PRKCZ: variants seen among roughly 807,000 people sequenced by gnomAD.
PRKCZ encodes the protein protein kinase C zeta, also known as protein kinase C zeta type.
In PRKCZ, 33 loss-of-function variants were observed where a neutral mutation model predicts 79.5. That is an observed-to-expected ratio of 0.41 (90% CI 0.31 to 0.55). The LOEUF (loss-of-function observed/expected upper bound fraction) is 0.55, where lower values mean the gene tolerates loss of function less well. PRKCZ is among the 20% of genes least tolerant of loss of function. The pLI is 0.19. For missense variants in PRKCZ, 578 were observed against 813.5 expected, an observed-to-expected ratio of 0.71 and a Z score of 3.52; for synonymous variants, 342 against 320.9, an observed-to-expected ratio of 1.07 and a Z score of -0.70.
At chr1:2,130,888 G>A (rs888239097) in intron 4 of PRKCZ, among the ~76,000 whole-genome samples, 1 of 152,136 alleles carries the variant, frequency 6.6e-6, no homozygotes, top group South Asian at 2.1e-4. Context: ...TGGCATCCAC[G>A]CATATCCCCT....
In PRKCZ at chr1:2,169,782, G is replaced by A. The variant is rs1322812730; in HGVS notation, c.1061+178G>A. ...GTGGCTGGGTGGGGTGTGCACGGAG[G>A]GGGTATGACGGGGGCGGGGGGGGCG... On this transcript the variant is annotated intron_variant, in intron 11 of 17. Coordinates refer to ENST00000378567, the MANE Select transcript of PRKCZ (RefSeq NM_002744.6). Among the ~76,000 whole-genome samples, 3 of 133,304 alleles carry A rather than the reference G, an allele frequency of 2.3e-5. No individual in the cohort carries two copies. The East Asian group carries it at 7.4e-4, about 33-fold the overall frequency. 87.5% of individuals were successfully genotyped at this position (133,304 alleles called of 152,430 possible).
At chr1:2,163,954 AT>A (rs991291206) in intron 10 of PRKCZ, among the ~76,000 whole-genome samples, 1 of 151,782 alleles carries the variant, frequency 6.6e-6, no homozygotes, top group Admixed American at 6.6e-5. Flanking sequence ...CCTCCTTGCC[AT>A]TTGTGGAGAT....
chr1:2,163,420 T>C (rs1682701692), intron 10 of PRKCZ, among the ~76,000 whole-genome samples: 1 of 152,204 alleles, frequency 6.6e-6, no homozygotes, highest in Non-Finnish European at 1.5e-5. Flanking sequence ...TGAGGACACC[T>C]GCTGGCAAAG....
intron 4 of PRKCZ, among the ~76,000 whole-genome samples, chr1:2,120,891 G>A (rs1363723644): frequency 5.3e-5 from 7 of 132,094 alleles, no homozygotes; most frequent in Admixed American, 2.5e-4. Flanking sequence ...TCGGCTCACT[G>A]CAACCTCCGC....
chr1:2,135,217 T>C (rs1675936379), intron 4 of PRKCZ, 45 bp from the exon 5 acceptor site: 1 of 1,543,184 alleles, frequency 6.5e-7, no homozygotes, highest in Admixed American at 1.7e-5. Context: ...CGTGGGCTCG[T>C]GGCTGCCACG....
chr1:2,105,648 C>T (rs935921607), intron 4 of PRKCZ, among the ~76,000 whole-genome samples: 5 of 152,216 alleles, frequency 3.3e-5, no homozygotes, highest in African/African-American at 7.2e-5. Context: ...GGTCCACCCA[C>T]CTCAGCCTCC....
chr1:2,097,415 C>T (rs537390658), intron 4 of PRKCZ, among the ~76,000 whole-genome samples: 6 of 152,302 alleles, frequency 3.9e-5, no homozygotes, highest in South Asian at 2.1e-4. Flanking sequence ...CCAGTGCCCC[C>T]CTGTGCTCTC....
intron 5 of PRKCZ, among the ~76,000 whole-genome samples, chr1:2,136,336 G>T (rs1311516307): frequency 6.6e-6 from 1 of 152,192 alleles, no homozygotes; most frequent in Non-Finnish European, 1.5e-5. Context: ...AGGTGAGGAT[G>T]CAGGACAAGC....
intron 9 of PRKCZ, 112 bp from the exon 10 acceptor site, chr1:2,155,883 A>T (rs1680937392): frequency 1.1e-6 from 1 of 915,058 alleles, no homozygotes; most frequent in African/African-American, 1.6e-5. Flanking sequence ...TCCTGTCTGC[A>T]TTGTCTTCCT....
intron 4 of PRKCZ, among the ~76,000 whole-genome samples, chr1:2,064,734 G>C (rs1039193417): frequency 3.9e-5 from 6 of 152,224 alleles, no homozygotes; most frequent in Non-Finnish European, 8.8e-5. Context: ...CTTTGAGCCA[G>C]TGCCACACTG....
At position 2,173,984 on chromosome 1, in the gene PRKCZ, C is replaced by G; in HGVS notation, c.1373C>G (p.Pro458Arg). The change falls in exon 14 of 18, where the codon CCG becomes CGG. Residue 458 changes from proline to arginine, a missense_variant. Coordinates refer to ENST00000378567, the MANE Select transcript of PRKCZ (RefSeq NM_002744.6). The surrounding 1 kb of genome is among the most constrained non-coding windows in gnomAD (Gnocchi z 5.7). Reference sequence around the variant, plus strand: ...CCGTTCGACATCATCACCGACAACCCGGACATGAACACAGAGGACTACCTT... The same window carrying G: ...CCGTTCGACATCATCACCGACAACCGGGACATGAACACAGAGGACTACCTT... ...RSPFDIITDN[P>R]DMNTEDYLFQ... is the part of the protein sequence containing the mutation. 2.5e-6 allele frequency: 4 copies of G among 1,612,626 alleles called. No homozygotes were observed. The highest frequency in any genetic ancestry group is 3.4e-6 in the Non-Finnish European group (4 of 1,179,344).
intron 4 of PRKCZ, among the ~76,000 whole-genome samples, chr1:2,072,783 C>T (rs924743156): frequency 2.0e-5 from 3 of 152,094 alleles, no homozygotes; most frequent in Non-Finnish European, 2.9e-5. Context: ...GGGCACAGCA[C>T]GTATGAATGC....
intron 4 of PRKCZ, among the ~76,000 whole-genome samples, chr1:2,081,655 C>T (rs906774966): frequency 6.6e-6 from 1 of 152,082 alleles, no homozygotes; most frequent in African/African-American, 2.4e-5. Context: ...GTGGTGATGT[C>T]GGGGCTGCGG....
intron 3 of PRKCZ, among the ~76,000 whole-genome samples, chr1:2,058,024 C>T (rs1375851916): frequency 3.9e-5 from 6 of 152,158 alleles, no homozygotes; most frequent in Non-Finnish European, 8.8e-5. Flanking sequence ...TGTGTCATCA[C>T]GCCTGGCTAA....
chr1:2,115,415 C>T (rs1369826908), intron 4 of PRKCZ, among the ~76,000 whole-genome samples: 5 of 152,226 alleles, frequency 3.3e-5, no homozygotes, highest in Admixed American at 6.5e-5. Context: ...CTCGCGTGGC[C>T]GCACCAGGTC....
chr1:2,132,034 A>G (rs1675079425), intron 4 of PRKCZ, among the ~76,000 whole-genome samples: 1 of 152,180 alleles, frequency 6.6e-6, no homozygotes, highest in East Asian at 1.9e-4. Flanking sequence ...GATGGTCTCG[A>G]TCTCCTGACC....
intron 4 of PRKCZ, among the ~76,000 whole-genome samples, chr1:2,118,359 A>T (rs1671169317): frequency 8.1e-6 from 1 of 124,036 alleles, no homozygotes. Flanking sequence ...TTTTTTTGAG[A>T]CAGAGTGTCG....
chr1:2,134,166 A>C (rs1269038882), intron 4 of PRKCZ, among the ~76,000 whole-genome samples: 2 of 152,212 alleles, frequency 1.3e-5, no homozygotes, highest in African/African-American at 4.8e-5. Context: ...CGCTGCCGTG[A>C]GGCCTCTTTG....
At position 2,177,978 on chromosome 1, in the gene PRKCZ, G is replaced by A. The variant is rs577823899; in HGVS notation, c.1575+2665G>A. ...TCCTTGCCACCCATCAGCTCTTGAGGCTTTTAGGAAGAAGTGTGGCTGTTT... is the reference window on the plus strand; with the variant it reads ...TCCTTGCCACCCATCAGCTCTTGAGACTTTTAGGAAGAAGTGTGGCTGTTT... On this transcript the variant is annotated intron_variant, in intron 16 of 17. Transcript: ENST00000378567. This position sits in a 1 kb window ranked among gnomAD's most constrained non-coding sequence, Gnocchi z 6.4. Among the ~76,000 whole-genome samples the A allele has an allele frequency of 1.3e-5, 2 of 152,320 alleles. No individual in the cohort carries two copies. The highest frequency in any genetic ancestry group is 2.1e-4 in the South Asian group (1 of 4,824).
Sources: gnomAD v4.1 joint callset for allele counts (sites outside exome capture counted in the v4.1 genomes callset) on GRCh38, gnomAD v4.1.1 for gene constraint, Gnocchi (gnomAD v3.1) non-coding constraint, MANE v1.5 for transcripts, NCBI Gene and HGNC (gene_info 2026-07-23, HGNC 2026-07-21) for gene names.